The following APPBP2 variants were observed in gnomAD, a reference collection of about 807,000 sequenced individuals.
APPBP2 encodes the protein amyloid protein-binding protein 2.
A neutral mutation model predicts 76.0 loss-of-function variants in APPBP2; 15 were observed. The ratio of observed to expected loss-of-function variants is 0.20; its 90% CI spans 0.13 to 0.30. The LOEUF (loss-of-function observed/expected upper bound fraction) is 0.30, where lower values mean the gene tolerates loss of function less well. APPBP2 is among the 10% of genes least tolerant of loss of function. The pLI, the probability that APPBP2 is intolerant of heterozygous loss-of-function variation, is 1.00. For synonymous variants in APPBP2, 222 were observed against 242.2 expected (o/e 0.92, Z 0.77); for missense variants, 401 against 687.2 (o/e 0.58, Z 4.66).
intron 4 of APPBP2, chr17:60,477,498 C>T (rs2143374671): frequency 6.6e-6 from 1 of 152,046 alleles, no homozygotes; most frequent in South Asian, 2.1e-4. Flanking sequence ...ATAATGTAGT[C>T]TCCTATTCCT....
intron 4 of APPBP2, among the ~76,000 whole-genome samples, chr17:60,472,251 C>G (rs944778435): frequency 2.0e-5 from 3 of 152,282 alleles, no homozygotes; most frequent in South Asian, 4.1e-4. Flanking sequence ...AGTGCTAATT[C>G]TTTAAATGTT....
chr17:60,471,056 C>A (rs1215420908), intron 4 of APPBP2, among the ~76,000 whole-genome samples: 1 of 152,042 alleles, frequency 6.6e-6, no homozygotes, highest in Non-Finnish European at 1.5e-5. Flanking sequence ...CTCAAACTCC[C>A]AAACTGCTTG....
chr17:60,473,759 C>G (rs2090569835), intron 4 of APPBP2, among the ~76,000 whole-genome samples: 1 of 152,208 alleles, frequency 6.6e-6, no homozygotes, highest in Admixed American at 6.5e-5. Flanking sequence ...TCACAATTTA[C>G]AAAACTTTAT....
At chr17:60,520,360 G>T (rs756833895) in intron 1 of APPBP2, among the ~76,000 whole-genome samples, 1 of 152,104 alleles carries the variant, frequency 6.6e-6, no homozygotes, top group Admixed American at 6.5e-5. Flanking sequence ...ATCACCTGAG[G>T]TAAGGAGTTC....
intron 3 of APPBP2, among the ~76,000 whole-genome samples, chr17:60,485,516 G>C (rs2090667342): frequency 6.6e-6 from 1 of 152,134 alleles, no homozygotes; most frequent in Non-Finnish European, 1.5e-5. Flanking sequence ...TTCTCTGATG[G>C]TAGTCTGTAT....
chr17:60,483,906 A>T (rs1279448623), intron 3 of APPBP2, among the ~76,000 whole-genome samples: 1 of 152,010 alleles, frequency 6.6e-6, no homozygotes, highest in African/African-American at 2.4e-5. Flanking sequence ...TAATTTTTGT[A>T]TAACGTGTAA....
intron 1 of APPBP2, among the ~76,000 whole-genome samples, chr17:60,503,761 T>C (rs778654079): frequency 2.0e-5 from 3 of 146,892 alleles, no homozygotes; most frequent in Non-Finnish European, 4.4e-5. Flanking sequence ...TAATCTTTTA[T>C]GTGTCAGGCA....
intron 1 of APPBP2, among the ~76,000 whole-genome samples, chr17:60,523,026 C>T (rs1417456941): frequency 6.6e-6 from 1 of 151,984 alleles, no homozygotes; most frequent in Non-Finnish European, 1.5e-5. Context: ...GAAGCTATTA[C>T]AAAAATTAAC....
chr17:60,456,713 G>C (rs2090434076), intron 9 of APPBP2, among the ~76,000 whole-genome samples: 1 of 152,074 alleles, frequency 6.6e-6, no homozygotes, highest in Admixed American at 6.6e-5. Context: ...CACAGGCCTA[G>C]CAGTTTCCTG....
chr17:60,486,800 A>T (rs764917747), intron 3 of APPBP2, among the ~76,000 whole-genome samples: 1 of 152,172 alleles, frequency 6.6e-6, no homozygotes, highest in Non-Finnish European at 1.5e-5. Context: ...GATGGTCTTT[A>T]CAATTTTGCA....
At chr17:60,460,495 G>T in intron 9 of APPBP2, 168 bp downstream of exon 9, 1 of 605,240 alleles carries the variant, frequency 1.7e-6, no homozygotes, top group Non-Finnish European at 2.4e-6. Context: ...GATTTTAAAT[G>T]ACTTCAAGAA....
At chr17:60,482,136 C>A (rs1317814785) in intron 3 of APPBP2, among the ~76,000 whole-genome samples, 1 of 152,196 alleles carries the variant, frequency 6.6e-6, no homozygotes, top group East Asian at 1.9e-4. Flanking sequence ...CCACCTCAGC[C>A]TCCCAAAGTG....
intron 1 of APPBP2, among the ~76,000 whole-genome samples, chr17:60,517,696 A>C (rs890076227): frequency 6.6e-6 from 1 of 152,188 alleles, no homozygotes; most frequent in Non-Finnish European, 1.5e-5. Context: ...TATATGTGTC[A>C]GTCTGTTTCT....
At chr17:60,452,322 A>T (rs536057101) in intron 11 of APPBP2, among the ~76,000 whole-genome samples, 14 of 152,384 alleles carry the variant, frequency 9.2e-5, no homozygotes, top group African/African-American at 3.1e-4. Flanking sequence ...AGAAATTCAC[A>T]ACAAAGAAAT....
rs1181302729 is a variant in APPBP2 at position 60,511,277 on chromosome 17, G to C, written c.139-10790C>G. Among the ~76,000 whole-genome samples the C allele has an allele frequency of 2.6e-5, 4 of 152,056 alleles. No homozygotes were observed. The South Asian group carries it at 6.2e-4, about 24-fold the overall frequency. On this transcript the variant is annotated intron_variant, in intron 1 of 12. Transcript: ENST00000083182. ...GTGTTTCCATGAGACAAAAGGATAG[G>C]GCAGTATAGCTATAAGAAAACACTT...
rs1000875085 is a variant in APPBP2 at position 60,513,362 on chromosome 17, T to G, written c.138+12432A>C. 9.3e-6 allele frequency: 6 copies of G among 646,940 alleles called. No individual in the cohort carries two copies. In the Admixed American group the frequency reaches 1.4e-4, roughly 15 times the overall value. 40.1% of individuals were successfully genotyped at this position (646,940 alleles called of 1,614,324 possible). Reference sequence around the variant, plus strand: ...CACCTGAAACTAGAGGAACAGCTTATGTGGTCTATGAAGACATCTTTGTTG... The same window carrying G: ...CACCTGAAACTAGAGGAACAGCTTAGGTGGTCTATGAAGACATCTTTGTTG... On this transcript the variant is annotated intron_variant, in intron 1 of 12. Transcript: ENST00000083182.
chr17:60,457,768 C>A (rs2090442427), intron 9 of APPBP2, among the ~76,000 whole-genome samples: 1 of 152,178 alleles, frequency 6.6e-6, no homozygotes, highest in Admixed American at 6.5e-5. Context: ...ATTTCCATTT[C>A]TAGCCATTTG....
chr17:60,444,129 GAA>G lies in APPBP2; in HGVS notation c.*3450_*3451del, dbSNP rs201052278. On this transcript the variant is annotated 3_prime_UTR_variant, in exon 13 of 13. Coordinates refer to ENST00000083182, the MANE Select transcript of APPBP2 (RefSeq NM_006380.5). ...GGGCAACAAGAGCGAAACTCCGTCT[GAA>G]AAAAAAAAAAAAAATTTCCTGGCAA... 6.9e-5 allele frequency: 9 copies of G among 129,798 alleles called. No individual in the cohort carries two copies. Among genetic ancestry groups the G allele is most frequent in the South Asian group, 2.5e-4 (1 of 4,036 alleles). The allele number at this position is 129,798 out of a possible 1,614,324, so 8.0% of individuals were successfully genotyped here.
intron 6 of APPBP2, among the ~76,000 whole-genome samples, chr17:60,462,905 C>G (rs938342196): frequency 1.4e-5 from 2 of 148,030 alleles, no homozygotes; most frequent in East Asian, 2.0e-4. Context: ...GACCCGAGAT[C>G]GCGCCACTGC....
Sources: allele counts gnomAD v4.1 joint callset (sites outside exome capture counted in the v4.1 genomes callset), GRCh38; gene constraint gnomAD v4.1.1; transcripts MANE v1.5; gene names NCBI Gene and HGNC (gene_info 2026-07-23, HGNC 2026-07-21).